The following SLX4IP variants were observed in gnomAD, a reference collection of about 807,000 sequenced individuals.
SLX4IP encodes protein SLX4IP.
In SLX4IP, 34 loss-of-function variants were observed where a neutral mutation model predicts 32.9. The observed-to-expected ratio is 1.03, with a 90% CI of 0.79 to 1.38. The LOEUF is 1.38. Ranked by LOEUF, SLX4IP falls within the 40% of genes most tolerant of loss-of-function variation. The pLI, the probability that SLX4IP is intolerant of heterozygous loss-of-function variation, is 0.00. For synonymous variants in SLX4IP, 172 were observed against 171.7 expected (o/e 1.00, Z -0.01); for missense variants, 444 against 479.0 (o/e 0.93, Z 0.68).
Position 10,596,836 on chromosome 20 carries a change from C to A in SLX4IP, c.239-1839C>A, listed in dbSNP as rs1446559622. ...ATTCTCTCAGTGACCTAAGAAATAA[C>A]GTATTTGTTTTAAAGCACTCAGAGT... On this transcript the variant is annotated intron_variant, in intron 4 of 7. Transcript: ENST00000334534. Among the ~76,000 whole-genome samples, 5 of 152,158 alleles carry A rather than the reference C, an allele frequency of 3.3e-5. No homozygotes were observed. The South Asian group carries it at 8.3e-4, about 25-fold the overall frequency.
intron 2 of SLX4IP, among the ~76,000 whole-genome samples, chr20:10,552,687 T>TA (rs1227999061): frequency 6.6e-6 from 1 of 152,190 alleles, no homozygotes; most frequent in Non-Finnish European, 1.5e-5. Flanking sequence ...TTTTCAAACT[T>TA]AGACTAGGTT....
chr20:10,487,058 C>G (rs1033791955), intron 2 of SLX4IP, among the ~76,000 whole-genome samples: 1 of 152,100 alleles, frequency 6.6e-6, no homozygotes, highest in Non-Finnish European at 1.5e-5. Flanking sequence ...ATTAGAGCCG[C>G]CTGCACGCTT....
chr20:10,468,859 A>C (rs1255294411), intron 2 of SLX4IP, among the ~76,000 whole-genome samples: 1 of 152,144 alleles, frequency 6.6e-6, no homozygotes, highest in East Asian at 1.9e-4. Context: ...TATATACATT[A>C]TGCCTAGCCA....
At chr20:10,557,430 A>T (rs1453566436) in intron 3 of SLX4IP, among the ~76,000 whole-genome samples, 1 of 152,246 alleles carries the variant, frequency 6.6e-6, no homozygotes, top group South Asian at 2.1e-4. Context: ...CATTCAGGTA[A>T]ATAACTGTGG....
At chr20:10,530,527 T>C (rs1444255780) in intron 2 of SLX4IP, among the ~76,000 whole-genome samples, 1 of 152,202 alleles carries the variant, frequency 6.6e-6, no homozygotes, top group Non-Finnish European at 1.5e-5. Context: ...CACATTTCCA[T>C]GGAGTCTGCG....
intron 4 of SLX4IP, among the ~76,000 whole-genome samples, chr20:10,583,262 G>A (rs1056290583): frequency 6.6e-6 from 1 of 152,058 alleles, no homozygotes; most frequent in Non-Finnish European, 1.5e-5. Context: ...TGTTAAAAAC[G>A]CCATTAAAGA....
Position 10,569,499 on chromosome 20 carries a change from T to C in SLX4IP, c.238+8679T>C, listed in dbSNP as rs1005163960. ...ATTTTTTTTTTCCTGTTATACAGTG[T>C]ATTGGTTTGCTAGGGCTGCCATAAC... On this transcript the variant is annotated intron_variant, in intron 4 of 7. Transcript: ENST00000334534. Among the ~76,000 whole-genome samples the C allele has an allele frequency of 2.0e-5, 3 of 152,152 alleles. No individual in the cohort carries two copies. The South Asian group carries it at 6.2e-4, about 32-fold the overall frequency.
intron 4 of SLX4IP, among the ~76,000 whole-genome samples, chr20:10,587,969 G>A (rs1227331447): frequency 6.6e-6 from 1 of 151,800 alleles, no homozygotes; most frequent in African/African-American, 2.4e-5. Context: ...CAAAAGACAG[G>A]TAACAAAAGC....
chr20:10,592,350 C>G (rs539795906), intron 4 of SLX4IP, among the ~76,000 whole-genome samples: 5 of 148,430 alleles, frequency 3.4e-5, no homozygotes, highest in East Asian at 3.9e-4. Flanking sequence ...TCTCCAACCC[C>G]CCCCCATCAC....
intron 1 of SLX4IP, among the ~76,000 whole-genome samples, chr20:10,437,835 A>G (rs779175821): frequency 6.6e-6 from 1 of 152,210 alleles, no homozygotes; most frequent in Non-Finnish European, 1.5e-5. Context: ...GTAGAACATG[A>G]TGGGTTAGGA....
At chr20:10,455,270 GTATCATAT>G (rs1007171246) in intron 1 of SLX4IP, among the ~76,000 whole-genome samples, 1 of 151,880 alleles carries the variant, frequency 6.6e-6, no homozygotes, top group Non-Finnish European at 1.5e-5. Context: ...TTCTGTTTTG[GTATCATAT>G]CTAAGAAACT....
intron 2 of SLX4IP, among the ~76,000 whole-genome samples, chr20:10,518,502 C>CTTTCCTT (rs369907091): frequency 1.7e-5 from 1 of 58,414 alleles, no homozygotes; most frequent in Non-Finnish European, 3.6e-5. Flanking sequence ...TCCTTCCTTC[C>CTTTCCTT]TTCCTTCCTT....
chr20:10,546,732 A>C (rs1187221977), intron 2 of SLX4IP, among the ~76,000 whole-genome samples: 6 of 152,124 alleles, frequency 3.9e-5, no homozygotes, highest in African/African-American at 1.4e-4. Flanking sequence ...CAGGGCTAGG[A>C]TTTGAAGTCA....
intron 2 of SLX4IP, among the ~76,000 whole-genome samples, chr20:10,547,999 G>T (rs912254683): frequency 6.6e-6 from 1 of 152,192 alleles, no homozygotes; most frequent in Non-Finnish European, 1.5e-5. Context: ...CACTATGTGT[G>T]CAGGTAGAAT....
rs371313027 is a variant in SLX4IP at position 10,623,398 on chromosome 20, C to G, written c.*19C>G. The G allele has an allele frequency of 6.3e-7, 1 of 1,586,974 alleles. No individual in the cohort carries two copies. The highest frequency in any genetic ancestry group is 1.4e-5 in the African/African-American group (1 of 73,450). On this transcript the variant is annotated 3_prime_UTR_variant, in exon 8 of 8. Transcript: ENST00000334534. Reference sequence around the variant, plus strand: ...CCATTAACACCGAAGAGGTTTGTACCGTTGGAGTTGAGGACATAGTGGCCA... The same window carrying G: ...CCATTAACACCGAAGAGGTTTGTACGGTTGGAGTTGAGGACATAGTGGCCA...
chr20:10,571,308 C>A (rs1483841046), intron 4 of SLX4IP, among the ~76,000 whole-genome samples: 2 of 152,300 alleles, frequency 1.3e-5, no homozygotes, highest in East Asian at 3.9e-4. Flanking sequence ...CTGCAGTCGG[C>A]TGAGTTCAGG....
chr20:10,518,347 CTT>C (rs1291914823), intron 2 of SLX4IP, among the ~76,000 whole-genome samples: 3 of 107,760 alleles, frequency 2.8e-5, no homozygotes, highest in African/African-American at 8.0e-5. Context: ...TCTTTTCTTT[CTT>C]TCTCTCTTTC....
chr20:10,477,115 G>T (rs541661760), intron 2 of SLX4IP, among the ~76,000 whole-genome samples: 1 of 152,090 alleles, frequency 6.6e-6, no homozygotes, highest in Non-Finnish European at 1.5e-5. Context: ...GGTGTCTTAG[G>T]TTCTAAAGAT....
intron 7 of SLX4IP, among the ~76,000 whole-genome samples, chr20:10,622,206 TTG>T (rs2122573708): frequency 6.6e-6 from 1 of 152,334 alleles, no homozygotes; most frequent in Admixed American, 6.5e-5. Context: ...GTGGTTATAT[TTG>T]GGTAACATCT....
Sources: allele counts gnomAD v4.1 joint callset (sites outside exome capture counted in the v4.1 genomes callset), GRCh38; gene constraint gnomAD v4.1.1; transcripts MANE v1.5; gene names NCBI Gene and HGNC (gene_info 2026-07-23, HGNC 2026-07-21).